NME7: variants seen among roughly 807,000 people sequenced by gnomAD.
NME7 encodes nucleoside diphosphate kinase 7.
In NME7, 41 loss-of-function variants were observed where a neutral mutation model predicts 49.1. The observed-to-expected ratio is 0.83, with a 90% confidence interval of 0.65 to 1.08. NME7 has a LOEUF of 1.08. Among genes scored for constraint, NME7 ranks in the 50% least tolerant of loss-of-function variants. The pLI, the probability that NME7 is intolerant of heterozygous loss-of-function variation, is 0.00. For missense variants in NME7, 423 were observed against 463.4 expected (o/e 0.91, Z 0.80); for synonymous variants, 139 against 150.6 (o/e 0.92, Z 0.56).
chr1:169,261,528 G>A (rs923107265), intron 7 of NME7, among the ~76,000 whole-genome samples: 2 of 133,936 alleles, frequency 1.5e-5, no homozygotes, highest in African/African-American at 5.1e-5. Flanking sequence ...CCAGCACAGG[G>A]ATCTGAGTTA....
intron 7 of NME7, among the ~76,000 whole-genome samples, chr1:169,252,682 T>G (rs1364336994): frequency 6.6e-6 from 1 of 152,004 alleles, no homozygotes; most frequent in Non-Finnish European, 1.5e-5. Flanking sequence ...TTCTAGGGTT[T>G]TTATGGTTTT....
chr1:169,344,114 A>G (rs765086575), intron 1 of NME7, among the ~76,000 whole-genome samples: 2 of 152,176 alleles, frequency 1.3e-5, no homozygotes, highest in Non-Finnish European at 2.9e-5. Flanking sequence ...TCAGTGTACA[A>G]TTCTTTCAGT....
At chr1:169,241,844 T>C (rs920121416) in intron 7 of NME7, among the ~76,000 whole-genome samples, 7 of 151,944 alleles carry the variant, frequency 4.6e-5, no homozygotes, top group Admixed American at 4.6e-4. Context: ...ATAAAACTAG[T>C]ATTATCCTGA....
intron 10 of NME7, among the ~76,000 whole-genome samples, chr1:169,228,069 CACAT>C (rs1323960344): frequency 5.6e-5 from 8 of 142,304 alleles, no homozygotes; most frequent in Admixed American, 7.0e-5. Flanking sequence ...CACACACACA[CACAT>C]ATATACGTGT....
chr1:169,322,160 TAA>T (rs1651871707), intron 3 of NME7: 1 of 152,366 alleles, frequency 6.6e-6, no homozygotes, highest in Admixed American at 6.5e-5. Context: ...TTGTTTTCTA[TAA>T]GTCTAATTTT....
At chr1:169,171,687 C>T (rs918013841) in intron 10 of NME7, among the ~76,000 whole-genome samples, 5 of 152,024 alleles carry the variant, frequency 3.3e-5, no homozygotes, top group South Asian at 2.1e-4. Context: ...GGCTTGAACC[C>T]GGCGGTGCGG....
At chr1:169,203,078 C>A (rs188740459) in intron 10 of NME7, among the ~76,000 whole-genome samples, 3 of 152,226 alleles carry the variant, frequency 2.0e-5, no homozygotes, top group Admixed American at 2.0e-4. Context: ...ATGCCCACAG[C>A]CCCACTGATA....
rs772316074 is a variant in NME7 at position 169,269,314 on chromosome 1, A to C, written c.754+17989T>G. ...TCAGTGTACTTGGTGCAATTGATAA[A>C]ATTCCATCCAACTGTTTACTTTTTC... On this transcript the variant is annotated intron_variant, in intron 7 of 11. Transcript: ENST00000367811. Among the ~76,000 whole-genome samples, 16 of 133,896 alleles carry C rather than the reference A, an allele frequency of 1.2e-4. 5 individuals carry two copies. Among genetic ancestry groups the C allele is most frequent in the Non-Finnish European group, 2.1e-4 (12 of 57,138 alleles). The allele number at this position is 133,896 out of a possible 152,430, so 87.8% of individuals were successfully genotyped here.
At chr1:169,294,092 T>A (rs1650618160) in intron 6 of NME7, among the ~76,000 whole-genome samples, 1 of 152,130 alleles carries the variant, frequency 6.6e-6, no homozygotes, top group Non-Finnish European at 1.5e-5. Context: ...AAAATATTAA[T>A]AATAAAAGAT....
intron 7 of NME7, chr1:169,285,955 G>T (rs896369098): frequency 6.6e-6 from 1 of 152,030 alleles, no homozygotes; most frequent in Admixed American, 6.6e-5. Flanking sequence ...AAATATTTAC[G>T]TATAAAGATA....
intron 10 of NME7, among the ~76,000 whole-genome samples, chr1:169,225,227 G>A (rs965312828): frequency 2.6e-5 from 4 of 152,150 alleles, no homozygotes; most frequent in African/African-American, 9.7e-5. Context: ...TCCTGCCTCT[G>A]CCTCCTGAGT....
chr1:169,299,989 C>G (rs1464060168), intron 5 of NME7, among the ~76,000 whole-genome samples: 2 of 152,120 alleles, frequency 1.3e-5, no homozygotes, highest in Admixed American at 1.3e-4. Context: ...CACTTACAAT[C>G]TAACGCCCTA....
intron 7 of NME7, among the ~76,000 whole-genome samples, chr1:169,254,030 T>C (rs931044299): frequency 2.0e-5 from 3 of 151,582 alleles, no homozygotes; most frequent in Non-Finnish European, 2.9e-5. Context: ...TTCTCTTTTT[T>C]GGTTGTGTCT....
At chr1:169,254,298 G>C (rs1442108351) in intron 7 of NME7, among the ~76,000 whole-genome samples, 1 of 152,160 alleles carries the variant, frequency 6.6e-6, no homozygotes, top group East Asian at 2.0e-4. Flanking sequence ...TTGGGAGAGT[G>C]TATGTGTCGA....
intron 1 of NME7, among the ~76,000 whole-genome samples, 191 bp downstream of exon 1, chr1:169,367,517 T>C (rs186296262): frequency 6.6e-6 from 1 of 152,214 alleles, no homozygotes; most frequent in East Asian, 1.9e-4. Flanking sequence ...GTAACATTAG[T>C]GGAATTCAGG....
chr1:169,146,248 C>T lies in NME7; in HGVS notation c.1099-13431G>A, dbSNP rs536054067. Among the ~76,000 whole-genome samples, 80 of 152,262 alleles carry T rather than the reference C, an allele frequency of 5.3e-4. 1 individual carries two copies. The highest frequency in any genetic ancestry group is 1.9e-3 in the African/African-American group (78 of 41,540). ...CATTTGTCTCAAATAATAAATACAT[C>T]TGTGGTTTTTCAAAGAATAAGCCCT... On this transcript the variant is annotated intron_variant, in intron 11 of 11. Transcript: ENST00000367811.
chr1:169,342,986 T>C lies in NME7; in HGVS notation c.4-18486A>G, dbSNP rs541545555. ...ATATATATATACAAGTACATATATA[T>C]ACTTGTATTAGTATATATATATATA... is the stretch of plus-strand genomic sequence containing the variant. On this transcript the variant is annotated intron_variant, in intron 1 of 11. Coordinates refer to ENST00000367811, the MANE Select transcript of NME7 (RefSeq NM_013330.5). Among the ~76,000 whole-genome samples the C allele has an allele frequency of 8.5e-4, 83 of 98,056 alleles. 13 individuals carry two copies. Among genetic ancestry groups the C allele is most frequent in the Non-Finnish European group, 8.5e-4 (36 of 42,364 alleles). The allele number at this position is 98,056 out of a possible 152,430, so 64.3% of individuals were successfully genotyped here. A position where few individuals can be genotyped will look rare whatever the true frequency, so the allele number is the denominator to read the frequency against.
At chr1:169,138,395 A>G (rs1658492818) in intron 11 of NME7, among the ~76,000 whole-genome samples, 1 of 151,252 alleles carries the variant, frequency 6.6e-6, no homozygotes. Flanking sequence ...CTGGAAACCC[A>G]ATGTCTTCAG....
chr1:169,332,208 T>C (rs1652284378), intron 1 of NME7, among the ~76,000 whole-genome samples: 1 of 151,938 alleles, frequency 6.6e-6, no homozygotes, highest in Non-Finnish European at 1.5e-5. Context: ...GCAAACAAGA[T>C]ACACTGGGGA....
Sources: gnomAD v4.1 joint callset for allele counts (sites outside exome capture counted in the v4.1 genomes callset) on GRCh38, gnomAD v4.1.1 for gene constraint, MANE v1.5 for transcripts, NCBI Gene and HGNC (gene_info 2026-07-23, HGNC 2026-07-21) for gene names.